The following PLCB1 variants were observed in gnomAD, a reference collection of about 807,000 sequenced individuals.
PLCB1 encodes phospholipase C beta 1, also known as 1-phosphatidylinositol 4,5-bisphosphate phosphodiesterase beta-1.
A neutral mutation model predicts 161.8 loss-of-function variants in PLCB1; 46 were observed. The ratio of observed to expected loss-of-function variants is 0.28; its 90% CI spans 0.22 to 0.36. PLCB1 has a LOEUF of 0.36. Among genes scored for constraint, PLCB1 ranks in the 10% least tolerant of loss-of-function variants. The pLI, the probability that PLCB1 is intolerant of heterozygous loss-of-function variation, is 1.00. For missense variants in PLCB1, 1,016 were observed against 1,472.5 expected (o/e 0.69, Z 5.07); for synonymous variants, 517 against 503.7 (o/e 1.03, Z -0.35).
At chr20:8,617,766 G>T (rs1035100227) in intron 3 of PLCB1, among the ~76,000 whole-genome samples, 1 of 152,014 alleles carries the variant, frequency 6.6e-6, no homozygotes, top group African/African-American at 2.4e-5. Flanking sequence ...TCTTCCAATC[G>T]TCTAAACCAC....
At chr20:8,515,488 C>T (rs1294490276) in intron 3 of PLCB1, among the ~76,000 whole-genome samples, 2 of 152,150 alleles carry the variant, frequency 1.3e-5, no homozygotes, top group Non-Finnish European at 1.5e-5. Flanking sequence ...GGCTGCTTTC[C>T]TATATCCCAT....
intron 9 of PLCB1, among the ~76,000 whole-genome samples, chr20:8,664,237 T>C (rs1289126572): frequency 1.3e-5 from 2 of 152,158 alleles, no homozygotes; most frequent in Non-Finnish European, 2.9e-5. Flanking sequence ...TACAAAAGCG[T>C]CCCCACTTTG....
chr20:8,160,497 C>G (rs1246342681), intron 2 of PLCB1, among the ~76,000 whole-genome samples: 1 of 152,162 alleles, frequency 6.6e-6, no homozygotes, highest in Non-Finnish European at 1.5e-5. Context: ...GGAGGCCTCA[C>G]AATCATAGTG....
chr20:8,381,346 T>C (rs541062851), intron 3 of PLCB1, among the ~76,000 whole-genome samples: 2 of 152,362 alleles, frequency 1.3e-5, no homozygotes, highest in South Asian at 4.1e-4. Flanking sequence ...TAGTTTGCAG[T>C]ATTTTATCGA....
intron 31 of PLCB1, among the ~76,000 whole-genome samples, chr20:8,834,826 AAAAAAAAAAAAC>A (rs1468244526): frequency 1.9e-4 from 22 of 114,206 alleles, no homozygotes; most frequent in Non-Finnish European, 3.6e-4. Flanking sequence ...AAAAAAAAAA[AAAAAAAAAAAAC>A]CACAGGCTGC....
In PLCB1 at chr20:8,884,067, G is replaced by A. The variant is rs1988090630; in HGVS notation, c.*2218G>A. Reference sequence around the variant, plus strand: ...GAATAACCTTGACTTACACAAAACTGTTTTGGTAGTTGGATTTCATTATCT... The same window carrying A: ...GAATAACCTTGACTTACACAAAACTATTTTGGTAGTTGGATTTCATTATCT... On this transcript the variant is annotated 3_prime_UTR_variant, in exon 32 of 32. Coordinates refer to ENST00000338037, the MANE Select transcript of PLCB1 (RefSeq NM_015192.4). 6.6e-6 allele frequency: 1 copy of A among 152,140 alleles called. No homozygotes were observed. The highest frequency in any genetic ancestry group is 1.5e-5 in the Non-Finnish European group (1 of 67,968). The allele number at this position is 152,140 out of a possible 1,614,324, so 9.4% of individuals were successfully genotyped here.
At chr20:8,626,566 G>A (rs1051882325) in intron 3 of PLCB1, among the ~76,000 whole-genome samples, 12 of 152,102 alleles carry the variant, frequency 7.9e-5, no homozygotes, top group Admixed American at 4.6e-4. Flanking sequence ...TGAGTTGTGT[G>A]GCTATCACTG....
chr20:8,297,557 A>G (rs1043016095), intron 2 of PLCB1, among the ~76,000 whole-genome samples: 1 of 152,168 alleles, frequency 6.6e-6, no homozygotes, highest in Non-Finnish European at 1.5e-5. Flanking sequence ...GAGAAAGGCA[A>G]TTGAATGCCA....
Position 8,649,210 on chromosome 20 carries a change from A to G in PLCB1, c.519-164A>G, listed in dbSNP as rs6055974. 0.25 allele frequency among the ~76,000 whole-genome samples: 38,514 copies of G among 152,148 alleles called. 5,218 individuals are homozygous for G. Among genetic ancestry groups the G allele is most frequent in the Admixed American group, 0.33 (5,099 of 15,276 alleles). ...TTTAAAAGCACGCAGTTGATCTTTCAGAAGACAGATGCAAATGCATGGAGG... is the reference window on the plus strand; with the variant it reads ...TTTAAAAGCACGCAGTTGATCTTTCGGAAGACAGATGCAAATGCATGGAGG... On this transcript the variant is annotated intron_variant, in intron 6 of 31. Coordinates refer to ENST00000338037, the MANE Select transcript of PLCB1 (RefSeq NM_015192.4).
chr20:8,337,020 C>T (rs1175030810), intron 2 of PLCB1, among the ~76,000 whole-genome samples: 1 of 152,056 alleles, frequency 6.6e-6, no homozygotes, highest in African/African-American at 2.4e-5. Flanking sequence ...ATGTCTAATT[C>T]AGTTCCCATA....
At chr20:8,663,675 G>C (rs1481216833) in intron 9 of PLCB1, among the ~76,000 whole-genome samples, 1 of 152,184 alleles carries the variant, frequency 6.6e-6, no homozygotes, top group Non-Finnish European at 1.5e-5. Context: ...AGAATTTGAA[G>C]CTTGTCACAG....
intron 24 of PLCB1, among the ~76,000 whole-genome samples, chr20:8,759,895 C>CTTTTT (rs1981928257): frequency 2.2e-5 from 1 of 44,516 alleles, no homozygotes; most frequent in African/African-American, 8.2e-5. Flanking sequence ...TATAATATCA[C>CTTTTT]ATTTTTTTTT....
intron 2 of PLCB1, among the ~76,000 whole-genome samples, chr20:8,152,257 T>C (rs2051516299): frequency 6.6e-6 from 1 of 152,064 alleles, no homozygotes; most frequent in African/African-American, 2.4e-5. Context: ...TTCTTAGTGA[T>C]CATATATCTT....
intron 2 of PLCB1, among the ~76,000 whole-genome samples, chr20:8,311,490 A>C (rs1984401237): frequency 6.6e-6 from 1 of 152,160 alleles, no homozygotes; most frequent in African/African-American, 2.4e-5. Context: ...GATCATTTGT[A>C]CTTCACTTTG....
At chr20:8,804,208 G>T (rs1984418765) in intron 31 of PLCB1, among the ~76,000 whole-genome samples, 1 of 152,146 alleles carries the variant, frequency 6.6e-6, no homozygotes, top group South Asian at 2.1e-4. Flanking sequence ...CATGACTTAG[G>T]TTTTATTTTT....
At position 8,360,137 on chromosome 20, in the gene PLCB1, A is replaced by C. The variant is rs59647020; in HGVS notation, c.178-11245A>C. 4.7e-3 allele frequency among the ~76,000 whole-genome samples: 720 copies of C among 151,790 alleles called. 8 individuals carry two copies. The highest frequency in any genetic ancestry group is 0.017 in the African/African-American group (688 of 41,114). On this transcript the variant is annotated intron_variant, in intron 2 of 31. Transcript: ENST00000338037. Reference sequence around the variant, plus strand: ...AAGCTACTGAAAGCTGCAGAGCACAAATTACACCTCGAGTTGCTTCTCCTG... The same window carrying C: ...AAGCTACTGAAAGCTGCAGAGCACACATTACACCTCGAGTTGCTTCTCCTG...
At chr20:8,800,492 A>G (rs1181242706) in intron 31 of PLCB1, among the ~76,000 whole-genome samples, 1 of 152,166 alleles carries the variant, frequency 6.6e-6, no homozygotes, top group Non-Finnish European at 1.5e-5. Flanking sequence ...CACACGAACA[A>G]CTTTATACAA....
intron 3 of PLCB1, among the ~76,000 whole-genome samples, chr20:8,495,471 C>T (rs1448019821): frequency 1.4e-5 from 2 of 145,978 alleles, no homozygotes; most frequent in African/African-American, 5.2e-5. Context: ...CATCTCGGCT[C>T]ACTGAAAGCT....
At chr20:8,403,676 C>T (rs982920298) in intron 3 of PLCB1, among the ~76,000 whole-genome samples, 1 of 152,176 alleles carries the variant, frequency 6.6e-6, no homozygotes, top group African/African-American at 2.4e-5. Context: ...AGGAGGATCA[C>T]TTGAGCCCAG....
Sources: allele counts gnomAD v4.1 joint callset (sites outside exome capture counted in the v4.1 genomes callset), GRCh38; gene constraint gnomAD v4.1.1; transcripts MANE v1.5; gene names NCBI Gene and HGNC (gene_info 2026-07-23, HGNC 2026-07-21).